The following SEMA5A variants were observed in gnomAD, a reference collection of about 807,000 sequenced individuals.
The protein encoded by SEMA5A is semaphorin 5A.
In SEMA5A, 55 loss-of-function variants were observed where a neutral mutation model predicts 135.5. That is an observed-to-expected ratio of 0.41 (90% CI 0.33 to 0.51). SEMA5A has a LOEUF of 0.51. Ranked by LOEUF, SEMA5A falls within the 20% of genes least tolerant of loss-of-function variation. The pLI is 0.37. For synonymous variants in SEMA5A, 580 were observed against 546.5 expected (o/e 1.06, Z -0.85); for missense variants, 1,290 against 1,419.9 (o/e 0.91, Z 1.47).
intron 2 of SEMA5A, among the ~76,000 whole-genome samples, chr5:9,390,560 T>C (rs569936286): frequency 6.6e-6 from 1 of 152,328 alleles, no homozygotes; most frequent in East Asian, 1.9e-4. Flanking sequence ...TGATCTGATG[T>C]TTTCAGATTT....
intron 11 of SEMA5A, among the ~76,000 whole-genome samples, chr5:9,158,186 G>C (rs1365797986): frequency 5.3e-5 from 8 of 152,206 alleles, no homozygotes; most frequent in Admixed American, 5.2e-4. Flanking sequence ...ATTTGCTAAA[G>C]AGCGCTGATT....
chr5:9,252,217 G>A (rs929083984), intron 5 of SEMA5A, among the ~76,000 whole-genome samples: 11 of 152,268 alleles, frequency 7.2e-5, no homozygotes, highest in Admixed American at 7.2e-4. Flanking sequence ...TGGCTGGAGA[G>A]AGAACACTAC....
intron 5 of SEMA5A, among the ~76,000 whole-genome samples, chr5:9,252,739 C>CTTTTATGGT (rs1748865799): frequency 6.6e-6 from 1 of 152,160 alleles, no homozygotes; most frequent in Admixed American, 6.5e-5. Context: ...TCTAAGATTC[C>CTTTTATGGT]ATATTCTTCC....
chr5:9,137,973 G>A (rs574447801), intron 12 of SEMA5A, among the ~76,000 whole-genome samples: 4 of 152,150 alleles, frequency 2.6e-5, no homozygotes, highest in East Asian at 1.9e-4. Context: ...GGGAAAGATC[G>A]ATTTGAAGGC....
intron 3 of SEMA5A, among the ~76,000 whole-genome samples, chr5:9,378,298 T>C (rs1011018589): frequency 2.0e-5 from 3 of 152,134 alleles, no homozygotes; most frequent in Non-Finnish European, 4.4e-5. Flanking sequence ...AAAGAGTTGA[T>C]GAAGGAAAGA....
intron 1 of SEMA5A, among the ~76,000 whole-genome samples, chr5:9,479,911 A>C (rs1382135152): frequency 1.4e-4 from 21 of 152,358 alleles, no homozygotes. Flanking sequence ...GTAATTCATC[A>C]GTATAACAGG....
At chr5:9,418,513 T>C (rs1757359586) in intron 2 of SEMA5A, among the ~76,000 whole-genome samples, 1 of 152,200 alleles carries the variant, frequency 6.6e-6, no homozygotes, top group Non-Finnish European at 1.5e-5. Flanking sequence ...CAGCATTTGG[T>C]TCCAGCTGTA....
chr5:9,321,254 C>A (rs1752615836), intron 4 of SEMA5A, among the ~76,000 whole-genome samples: 1 of 152,144 alleles, frequency 6.6e-6, no homozygotes, highest in Admixed American at 6.5e-5. Context: ...ATCAATTAAA[C>A]TTATTTCCTT....
intron 2 of SEMA5A, among the ~76,000 whole-genome samples, chr5:9,426,529 G>A (rs550798205): frequency 3.3e-5 from 5 of 151,944 alleles, no homozygotes; most frequent in African/African-American, 1.2e-4. Context: ...GACTTGCTCT[G>A]AGCATGTTCA....
chr5:9,444,884 A>G (rs941710758), intron 1 of SEMA5A, among the ~76,000 whole-genome samples: 4 of 152,098 alleles, frequency 2.6e-5, no homozygotes, highest in Non-Finnish European at 4.4e-5. Flanking sequence ...TCTGTGCAGG[A>G]CCCCAGCCAA....
chr5:9,230,529 C>A (rs1278776174), intron 6 of SEMA5A, among the ~76,000 whole-genome samples: 1 of 152,134 alleles, frequency 6.6e-6, no homozygotes, highest in East Asian at 1.9e-4. Flanking sequence ...ATTAAGACCA[C>A]GTGAGAATAC....
At chr5:9,543,004 T>C (rs1285352639) in intron 1 of SEMA5A, among the ~76,000 whole-genome samples, 1 of 152,232 alleles carries the variant, frequency 6.6e-6, no homozygotes, top group African/African-American at 2.4e-5. Flanking sequence ...AATGACTTTA[T>C]GACCAAAAAT....
chr5:9,396,550 C>G (rs1012625381), intron 2 of SEMA5A, among the ~76,000 whole-genome samples: 2 of 152,136 alleles, frequency 1.3e-5, no homozygotes, highest in African/African-American at 2.4e-5. Flanking sequence ...CAACCATCTC[C>G]TTTATCAAAT....
intron 19 of SEMA5A, among the ~76,000 whole-genome samples, chr5:9,053,153 G>C (rs1164846310): frequency 6.6e-6 from 1 of 152,200 alleles, no homozygotes; most frequent in Non-Finnish European, 1.5e-5. Context: ...TTTCATTCCA[G>C]GTCATTCCTT....
At chr5:9,438,989 CCCTT>C (rs1360265760) in intron 1 of SEMA5A, among the ~76,000 whole-genome samples, 24 of 152,210 alleles carry the variant, frequency 1.6e-4, no homozygotes, top group Admixed American at 1.6e-3. Context: ...CTATGAGTCT[CCCTT>C]CCTCCAGGAC....
chr5:9,068,881 C>T (rs891700999), intron 16 of SEMA5A, among the ~76,000 whole-genome samples: 3 of 152,118 alleles, frequency 2.0e-5, no homozygotes, highest in Non-Finnish European at 2.9e-5. Flanking sequence ...TAAAAGACTA[C>T]AAAGCAAAAT....
rs538181409 is a variant in SEMA5A at position 9,082,005 on chromosome 5, G to T, written c.2074-15359C>A. On this transcript the variant is annotated intron_variant, in intron 16 of 22. Transcript: ENST00000382496. Reference sequence around the variant, plus strand: ...ACTGAGAAGTCTTGGGTTAAAGAAAGTTAAATGGGTTTCTCCAAATGAGTG... The same window carrying T: ...ACTGAGAAGTCTTGGGTTAAAGAAATTTAAATGGGTTTCTCCAAATGAGTG... Among the ~76,000 whole-genome samples the T allele has an allele frequency of 7.1e-4, 108 of 152,282 alleles. 1 individual carries two copies. The highest frequency in any genetic ancestry group is 4.4e-3 in the South Asian group (21 of 4,820).
chr5:9,466,598 AT>A (rs1351537428), intron 1 of SEMA5A, among the ~76,000 whole-genome samples: 5 of 152,230 alleles, frequency 3.3e-5, no homozygotes, highest in African/African-American at 4.8e-5. Flanking sequence ...GGGAAACTAG[AT>A]TCGTGTATTT....
At chr5:9,212,876 T>C (rs746770931) in intron 8 of SEMA5A, among the ~76,000 whole-genome samples, 9 of 152,206 alleles carry the variant, frequency 5.9e-5, no homozygotes, top group Non-Finnish European at 1.2e-4. Flanking sequence ...TATCTACCCA[T>C]TGTCTTCATC....
Sources: gnomAD v4.1 joint callset for allele counts (sites outside exome capture counted in the v4.1 genomes callset) on GRCh38, gnomAD v4.1.1 for gene constraint, MANE v1.5 for transcripts, NCBI Gene and HGNC (gene_info 2026-07-23, HGNC 2026-07-21) for gene names.